KCNAB1: variants seen among roughly 807,000 people sequenced by gnomAD.
The protein encoded by KCNAB1 is voltage-gated potassium channel subunit beta-1.
In KCNAB1, 35 loss-of-function variants were observed where a neutral mutation model predicts 64.6. That is an observed-to-expected ratio of 0.54 (90% CI 0.41 to 0.72). KCNAB1 has a LOEUF of 0.72. Among genes scored for constraint, KCNAB1 ranks in the 30% least tolerant of loss-of-function variants. KCNAB1 has a pLI of 0.00. For synonymous variants in KCNAB1, 177 were observed against 183.8 expected, an observed-to-expected ratio of 0.96 and a Z score of 0.30; for missense variants, 401 against 512.9, an observed-to-expected ratio of 0.78 and a Z score of 2.11.
intron 1 of KCNAB1, among the ~76,000 whole-genome samples, chr3:156,412,347 A>C (rs1714726656): frequency 1.3e-5 from 2 of 152,188 alleles, no homozygotes; most frequent in African/African-American, 4.8e-5. Flanking sequence ...TCCTTTTTTA[A>C]AATATGAATG....
chr3:156,290,553 C>T (rs1720342043), intron 1 of KCNAB1, among the ~76,000 whole-genome samples: 1 of 152,168 alleles, frequency 6.6e-6, no homozygotes, highest in African/African-American at 2.4e-5. Flanking sequence ...GACATCAAAC[C>T]AGAAAATATT....
chr3:156,214,517 A>G (rs1279681124), intron 1 of KCNAB1, among the ~76,000 whole-genome samples: 2 of 152,132 alleles, frequency 1.3e-5, no homozygotes, highest in Non-Finnish European at 2.9e-5. Flanking sequence ...ACAAAAATGG[A>G]AAGACTCATA....
chr3:156,321,274 G>A (rs1722641476), intron 1 of KCNAB1, among the ~76,000 whole-genome samples: 1 of 152,200 alleles, frequency 6.6e-6, no homozygotes, highest in Non-Finnish European at 1.5e-5. Flanking sequence ...GTTTGGAGAA[G>A]TATAGGGAGT....
intron 1 of KCNAB1, among the ~76,000 whole-genome samples, chr3:156,237,166 T>G (rs1230637324): frequency 1.3e-5 from 2 of 152,210 alleles, no homozygotes; most frequent in Non-Finnish European, 2.9e-5. Flanking sequence ...ATAAATCATT[T>G]TCTTTGAATT....
At chr3:156,317,125 G>A (rs558138076) in intron 1 of KCNAB1, among the ~76,000 whole-genome samples, 1 of 152,104 alleles carries the variant, frequency 6.6e-6, no homozygotes, top group Non-Finnish European at 1.5e-5. Flanking sequence ...TAGAATCTTG[G>A]CTGAAAAGAA....
chr3:156,223,639 C>T (rs1037896473), intron 1 of KCNAB1, among the ~76,000 whole-genome samples: 31 of 152,128 alleles, frequency 2.0e-4, no homozygotes, highest in Non-Finnish European at 4.1e-4. Flanking sequence ...CTTAGCTAGA[C>T]ATAAAGGTTC....
chr3:156,455,379 A>G (rs1712326628), intron 3 of KCNAB1, among the ~76,000 whole-genome samples: 1 of 152,250 alleles, frequency 6.6e-6, no homozygotes, highest in South Asian at 2.1e-4. Flanking sequence ...CATTTATTGA[A>G]TTACCATTTG....
rs1262171667 is a variant in KCNAB1 at position 156,527,524 on chromosome 3, A to T, written c.1081+3577A>T. Reference sequence around the variant, plus strand: ...ACATGAAGTATTAAACTTAGCCCTGAAAGACAGGAAAGAACACTCTCTTTC... The same window carrying T: ...ACATGAAGTATTAAACTTAGCCCTGTAAGACAGGAAAGAACACTCTCTTTC... On this transcript the variant is annotated intron_variant, in intron 12 of 13. Transcript: ENST00000490337. 2.6e-5 allele frequency among the ~76,000 whole-genome samples: 4 copies of T among 152,316 alleles called. No individual in the cohort carries two copies. The East Asian group carries it at 7.7e-4, about 29-fold the overall frequency.
At chr3:156,187,223 T>C (rs1713259228) in intron 1 of KCNAB1, among the ~76,000 whole-genome samples, 1 of 152,178 alleles carries the variant, frequency 6.6e-6, no homozygotes, top group South Asian at 2.1e-4. Flanking sequence ...TTGGTATTTC[T>C]CAGAGATTCA....
At chr3:156,280,872 G>T (rs1013593757) in intron 1 of KCNAB1, among the ~76,000 whole-genome samples, 10 of 149,262 alleles carry the variant, frequency 6.7e-5, no homozygotes, top group African/African-American at 2.2e-4. Flanking sequence ...GGGCTGAGAC[G>T]ATGGGGTTTT....
In KCNAB1 at chr3:156,524,033, T is replaced by C. The variant is rs144873031; in HGVS notation, c.1081+86T>C. The C allele has an allele frequency of 1.3e-5, 17 of 1,264,514 alleles. No homozygotes were observed. The African/African-American group carries it at 2.3e-4, about 17-fold the overall frequency. 78.3% of individuals were successfully genotyped at this position (1,264,514 alleles called of 1,614,324 possible). ...ATTGCTGACCACACCCTTACCATGATAAAATGTCTATTGCAGGGACAGATG... is the reference window on the plus strand; with the variant it reads ...ATTGCTGACCACACCCTTACCATGACAAAATGTCTATTGCAGGGACAGATG... On this transcript the variant is annotated intron_variant, in intron 12 of 13. Coordinates refer to ENST00000490337, the MANE Select transcript of KCNAB1 (RefSeq NM_172160.3).
intron 1 of KCNAB1, among the ~76,000 whole-genome samples, chr3:156,255,060 C>T (rs1213694131): frequency 6.6e-6 from 1 of 152,202 alleles, no homozygotes; most frequent in Non-Finnish European, 1.5e-5. Flanking sequence ...TCCCTCTCTC[C>T]ACTCTCACTG....
At position 156,210,297 on chromosome 3, in the gene KCNAB1, G is replaced by T. The variant is rs1181480869; in HGVS notation, c.275+89411G>T. ...TACATTTCACTTTTTCTGAAGTGTT[G>T]TGTAAAGAACAGAATTTAGGCTAGA... On this transcript the variant is annotated intron_variant, in intron 1 of 13. Coordinates refer to ENST00000490337, the MANE Select transcript of KCNAB1 (RefSeq NM_172160.3). 2.0e-5 allele frequency among the ~76,000 whole-genome samples: 3 copies of T among 152,110 alleles called. No individual in the cohort carries two copies. In the East Asian group the frequency reaches 5.8e-4, roughly 29 times the overall value.
At position 156,422,786 on chromosome 3, in the gene KCNAB1, C is replaced by T. The variant is rs140547068; in HGVS notation, c.319+1127C>T. 2.0e-5 allele frequency among the ~76,000 whole-genome samples: 3 copies of T among 152,172 alleles called. No homozygotes were observed. In the East Asian group the frequency reaches 5.8e-4, roughly 29 times the overall value. ...GTGTGCTTATAGACAGAATAGAAAACAGAGGCACATGGTCTAAGACCTAGG... is the reference window on the plus strand; with the variant it reads ...GTGTGCTTATAGACAGAATAGAAAATAGAGGCACATGGTCTAAGACCTAGG... On this transcript the variant is annotated intron_variant, in intron 2 of 13. Coordinates refer to ENST00000490337, the MANE Select transcript of KCNAB1 (RefSeq NM_172160.3).
At chr3:156,198,616 CTTTTTTT>C (rs59410120) in intron 1 of KCNAB1, among the ~76,000 whole-genome samples, 2 of 118,528 alleles carry the variant, frequency 1.7e-5, no homozygotes, top group Admixed American at 8.6e-5. Context: ...GCAAACCCTG[CTTTTTTT>C]TTTTTTTTTT....
At chr3:156,517,322 T>C (rs1717626766) in intron 11 of KCNAB1, among the ~76,000 whole-genome samples, 1 of 152,230 alleles carries the variant, frequency 6.6e-6, no homozygotes, top group Admixed American at 6.5e-5. Flanking sequence ...GACTTTCCTT[T>C]CTCTGTGTAA....
At chr3:156,301,995 A>G (rs895414914) in intron 1 of KCNAB1, among the ~76,000 whole-genome samples, 1 of 152,194 alleles carries the variant, frequency 6.6e-6, no homozygotes, top group African/African-American at 2.4e-5. Flanking sequence ...GTATTATTTC[A>G]TAATTCTGGA....
At chr3:156,479,118 C>T (rs1433540900) in intron 8 of KCNAB1, among the ~76,000 whole-genome samples, 1 of 152,126 alleles carries the variant, frequency 6.6e-6, no homozygotes, top group Non-Finnish European at 1.5e-5. Context: ...TGCCATCTGT[C>T]TCTGCTACAA....
intron 8 of KCNAB1, among the ~76,000 whole-genome samples, chr3:156,486,455 C>T (rs1234936278): frequency 6.6e-6 from 1 of 152,158 alleles, no homozygotes; most frequent in Non-Finnish European, 1.5e-5. Context: ...TCTTCATTGC[C>T]ACCCTGGTTG....
Sources: allele counts gnomAD v4.1 joint callset (sites outside exome capture counted in the v4.1 genomes callset), GRCh38; gene constraint gnomAD v4.1.1; transcripts MANE v1.5; gene names NCBI Gene and HGNC (gene_info 2026-07-23, HGNC 2026-07-21).